ABCA10: variants seen among roughly 807,000 people sequenced by gnomAD.
The protein encoded by ABCA10 is ATP binding cassette subfamily A member 10.
In ABCA10, 169 loss-of-function variants were observed where a neutral mutation model predicts 187.5. The ratio of observed to expected loss-of-function variants is 0.90; its 90% CI spans 0.80 to 1.02. ABCA10 has a LOEUF of 1.02. ABCA10 is among the 50% of genes least tolerant of loss of function. The pLI, the probability that ABCA10 is intolerant of heterozygous loss-of-function variation, is 0.00. For missense variants in ABCA10, 1,727 were observed against 1,812.4 expected, an observed-to-expected ratio of 0.95 and a Z score of 0.86; for synonymous variants, 574 against 601.8, an observed-to-expected ratio of 0.95 and a Z score of 0.68.
intron 1 of ABCA10, among the ~76,000 whole-genome samples, chr17:69,228,007 T>C (rs1473623269): frequency 6.6e-6 from 1 of 151,992 alleles, no homozygotes; most frequent in African/African-American, 2.4e-5. Context: ...CTGAAGTCCA[T>C]TTGAATAAAT....
At chr17:69,233,808 A>C (rs2144862404), upstream of ABCA10, 1 of 152,372 alleles carries the variant, frequency 6.6e-6, no homozygotes, top group South Asian at 2.1e-4. Flanking sequence ...GGGCATGCTA[A>C]GCCCAGGTTT....
chr17:69,164,266 C>T, intron 26 of ABCA10, 112 bp from the exon 27 acceptor site: 1 of 809,352 alleles, frequency 1.2e-6, no homozygotes, highest in Non-Finnish European at 1.8e-6. Context: ...AGTAAGTATT[C>T]CATGAATTGA....
chr17:69,199,942 T>C (rs1312478146), intron 10 of ABCA10, among the ~76,000 whole-genome samples: 4 of 152,246 alleles, frequency 2.6e-5, no homozygotes, highest in African/African-American at 9.6e-5. Flanking sequence ...ATGCAGGAGA[T>C]AGGACTTGAA....
chr17:69,165,721 T>G (rs2074249775), intron 25 of ABCA10, among the ~76,000 whole-genome samples: 1 of 152,156 alleles, frequency 6.6e-6, no homozygotes, highest in Admixed American at 6.6e-5. Flanking sequence ...TGAATAACAT[T>G]AGTTTATTGT....
chr17:69,151,982 T>C (rs2074132196), intron 36 of ABCA10, 61 bp downstream of exon 36: 2 of 1,557,378 alleles, frequency 1.3e-6, no homozygotes, highest in African/African-American at 2.8e-5. Context: ...AGCACAAAAC[T>C]AATTGATGCT....
intron 9 of ABCA10, among the ~76,000 whole-genome samples, chr17:69,209,351 A>C (rs2144827635): frequency 6.6e-6 from 1 of 152,302 alleles, no homozygotes; most frequent in African/African-American, 2.4e-5. Flanking sequence ...TCACAGGAAT[A>C]ATTTTTCAAA....
Position 69,193,986 on chromosome 17 carries a change from G to A in ABCA10, c.1349C>T (p.Ser450Leu), listed in dbSNP as rs111474594. 1.9e-6 allele frequency: 3 copies of A among 1,589,710 alleles called. No homozygotes were observed. The highest frequency in any genetic ancestry group is 1.4e-5 in the African/African-American group (1 of 73,622). The change falls in exon 13 of 39, where the codon TCA becomes TTA. Residue 450 changes from serine to leucine, a missense_variant. By Grantham distance (145) the Ser-to-Leu change is moderately radical. Transcript: ENST00000690296. ...GAGTTGAGTATTATAAATAGTGGCT[G>A]ATCCTATAAATAGAAATTTAAAAGG... ...LSGLSVSTEG[S>L]ATIYNTQLSE...
At chr17:69,197,566 T>C (rs2074515151) in intron 10 of ABCA10, among the ~76,000 whole-genome samples, 1 of 152,182 alleles carries the variant, frequency 6.6e-6, no homozygotes, top group Admixed American at 6.5e-5. Flanking sequence ...ACATAGCTTC[T>C]CACTATACTA....
At chr17:69,167,202 C>T (rs751076306) in intron 25 of ABCA10, among the ~76,000 whole-genome samples, 19 of 152,266 alleles carry the variant, frequency 1.2e-4, no homozygotes, top group African/African-American at 3.1e-4. Context: ...TCAACACTGA[C>T]GGCAACAAAG....
chr17:69,174,606 C>T lies in ABCA10; in HGVS notation c.3048+1G>A. On this transcript the variant is annotated splice_donor_variant, in intron 24 of 38. Coordinates refer to ENST00000690296, the MANE Select transcript of ABCA10 (RefSeq NM_001377321.1). LOFTEE classifies it high-confidence loss of function. ...GGCTTGTGGAAAAAATGATCACTTA[C>T]CAAAACAAACATGAGTTCCCATGAA... 1.3e-6 allele frequency: 2 copies of T among 1,585,734 alleles called. No individual in the cohort carries two copies. Among genetic ancestry groups the T allele is most frequent in the Middle Eastern group, 1.7e-4 (1 of 5,868 alleles).
At chr17:69,243,699 AC>A (rs2074920950) in intron 1 of ABCA10, among the ~76,000 whole-genome samples, 1 of 152,150 alleles carries the variant, frequency 6.6e-6, no homozygotes, top group Non-Finnish European at 1.5e-5. Flanking sequence ...GGAGTTTGAG[AC>A]CAGCCTGGGC....
intron 9 of ABCA10, among the ~76,000 whole-genome samples, chr17:69,209,220 T>G (rs895541831): frequency 1.3e-5 from 2 of 152,262 alleles, no homozygotes; most frequent in Admixed American, 6.5e-5. Flanking sequence ...GTGCTTTCAC[T>G]GTGATCTGTA....
intron 11 of ABCA10, chr17:69,196,418 C>T (rs563040419): frequency 5.0e-5 from 9 of 178,736 alleles, no homozygotes; most frequent in Non-Finnish European, 7.0e-5. Flanking sequence ...AGATGATGGG[C>T]GGCGGGGCAG....
intron 27 of ABCA10, among the ~76,000 whole-genome samples, chr17:69,159,030 A>G (rs2074195556): frequency 6.6e-6 from 1 of 152,050 alleles, no homozygotes; most frequent in South Asian, 2.1e-4. Flanking sequence ...AAATCATAAA[A>G]TATATCCAGA....
In ABCA10 at chr17:69,215,825, C is replaced by CAT. The variant is rs1328062171; in HGVS notation, c.847_848insAT (p.Gly283AspfsTer13). Reference sequence around the variant, plus strand: ...TAATTATGTTCTTACCTGGGCCATTCCAGCAGTGAAGGCAAAAGGGCTAAG... The same window carrying CAT: ...TAATTATGTTCTTACCTGGGCCATTCATCAGCAGTGAAGGCAAAAGGGCTAAG... On this transcript the variant is annotated frameshift_variant, in exon 8 of 39. Coordinates refer to ENST00000690296, the MANE Select transcript of ABCA10 (RefSeq NM_001377321.1). LOFTEE classifies it high-confidence loss of function. 6.3e-7 allele frequency: 1 copy of CAT among 1,581,342 alleles called. No homozygotes were observed. Among genetic ancestry groups the CAT allele is most frequent in the Non-Finnish European group, 8.6e-7 (1 of 1,169,534 alleles).
At chr17:69,194,024 A>G in intron 12 of ABCA10, 35 bp from the exon 13 acceptor site, 1 of 1,526,926 alleles carries the variant, frequency 6.5e-7, no homozygotes. Context: ...TTACTGCCAG[A>G]ATGTTAATTC....
In ABCA10 at chr17:69,148,597, C is replaced by A. The variant is rs1249646565; in HGVS notation, c.*230G>T. The A allele has an allele frequency of 8.9e-6, 4 of 449,614 alleles. No homozygotes were observed. The highest frequency in any genetic ancestry group is 8.1e-5 in the African/African-American group (4 of 49,660). 27.9% of individuals were successfully genotyped at this position (449,614 alleles called of 1,614,324 possible). ...ATTATTTTTAAGCACAAAATAGACC[C>A]ATGTTGGGGATGAATAACATGTCTG... On this transcript the variant is annotated 3_prime_UTR_variant, in exon 39 of 39. Coordinates refer to ENST00000690296, the MANE Select transcript of ABCA10 (RefSeq NM_001377321.1).
intron 1 of ABCA10, among the ~76,000 whole-genome samples, chr17:69,237,312 T>C (rs1304102795): frequency 6.6e-6 from 1 of 152,176 alleles, no homozygotes; most frequent in East Asian, 1.9e-4. Flanking sequence ...GAATGGAAAA[T>C]GGGCCATTTG....
At chr17:69,214,604 T>C in intron 9 of ABCA10, 100 bp downstream of exon 9, 2 of 1,081,850 alleles carry the variant, frequency 1.8e-6, no homozygotes, top group Admixed American at 3.1e-5. Flanking sequence ...TCTTCTCTAC[T>C]ATCAGAAATG....
Sources: gnomAD v4.1 joint callset for allele counts (sites outside exome capture counted in the v4.1 genomes callset) on GRCh38, gnomAD v4.1.1 for gene constraint, MANE v1.5 for transcripts, NCBI Gene and HGNC (gene_info 2026-07-23, HGNC 2026-07-21) for gene names.